The following TNR variants were observed in gnomAD, a reference collection of about 807,000 sequenced individuals.
TNR encodes the protein tenascin-R.
TNR carries 45 observed loss-of-function variants against 150.4 expected under a neutral mutation model. That is an observed-to-expected ratio of 0.30 (90% CI 0.24 to 0.38). The LOEUF is 0.38. TNR is among the 10% of genes least tolerant of loss of function. The pLI, the probability that TNR is intolerant of heterozygous loss-of-function variation, is 1.00. For missense variants in TNR, 1,544 were observed against 1,759.1 expected (o/e 0.88, Z 2.19); for synonymous variants, 687 against 678.4 (o/e 1.01, Z -0.20).
intron 1 of TNR, among the ~76,000 whole-genome samples, chr1:175,560,397 C>A (rs568557025): frequency 6.6e-6 from 1 of 152,218 alleles, no homozygotes; most frequent in Non-Finnish European, 1.5e-5. Flanking sequence ...CAGCTGCCTG[C>A]GCATGGCTGG....
chr1:175,721,255 G>C (rs548123287), intron 1 of TNR, among the ~76,000 whole-genome samples: 1 of 152,182 alleles, frequency 6.6e-6, no homozygotes, highest in African/African-American at 2.4e-5. Flanking sequence ...TGTTTCCATA[G>C]CTCTTTGGGG....
intron 1 of TNR, among the ~76,000 whole-genome samples, chr1:175,560,883 G>A (rs1558007031): frequency 6.6e-6 from 1 of 152,176 alleles, no homozygotes; most frequent in Non-Finnish European, 1.5e-5. Context: ...TGTTTATCCA[G>A]TTTGAGTTTC....
chr1:175,637,619 T>C lies in TNR; in HGVS notation c.-165+105607A>G, dbSNP rs377464225. ...CTGGGTGACAATGCATGAGAGGTAA[T>C]ACATCTACATTTTCATGATAGGTTC... is the stretch of plus-strand genomic sequence containing the variant. On this transcript the variant is annotated intron_variant, in intron 1 of 22. Transcript: ENST00000367674. Among the ~76,000 whole-genome samples, 55 of 152,242 alleles carry C rather than the reference T, an allele frequency of 3.6e-4. 1 individual carries two copies. In the South Asian group the frequency reaches 0.011, roughly 32 times the overall value.
chr1:175,392,369 A>G (rs1653216592), intron 6 of TNR, among the ~76,000 whole-genome samples: 1 of 152,170 alleles, frequency 6.6e-6, no homozygotes, highest in South Asian at 2.1e-4. Flanking sequence ...AATCAGTGTG[A>G]TGAATGCTCC....
At chr1:175,508,256 T>A (rs2102156401) in intron 2 of TNR, among the ~76,000 whole-genome samples, 1 of 152,264 alleles carries the variant, frequency 6.6e-6, no homozygotes, top group African/African-American at 2.4e-5. Context: ...TGCATATGTA[T>A]CCTAGAACTT....
At chr1:175,428,136 A>G (rs1020093228) in intron 2 of TNR, among the ~76,000 whole-genome samples, 1 of 152,238 alleles carries the variant, frequency 6.6e-6, no homozygotes, top group Non-Finnish European at 1.5e-5. Flanking sequence ...GCAAACAATT[A>G]TTGAATAGCT....
intron 15 of TNR, 61 bp downstream of exon 15, chr1:175,359,551 G>A: frequency 6.2e-7 from 1 of 1,611,136 alleles, no homozygotes; most frequent in Non-Finnish European, 8.5e-7. Context: ...CATCATACTG[G>A]TCTGCAGCTC....
At chr1:175,520,177 G>A (rs562063996) in intron 2 of TNR, among the ~76,000 whole-genome samples, 113 of 152,228 alleles carry the variant, frequency 7.4e-4, no homozygotes, top group African/African-American at 2.7e-3. Flanking sequence ...TTTTTCCCTA[G>A]CTTGAGAATG....
intron 1 of TNR, among the ~76,000 whole-genome samples, chr1:175,717,066 T>C (rs1226080465): frequency 6.6e-6 from 1 of 152,218 alleles, no homozygotes; most frequent in African/African-American, 2.4e-5. Flanking sequence ...CTATGCTCTG[T>C]GGTCTTGCCA....
chr1:175,693,684 G>T (rs1357326604), intron 1 of TNR, among the ~76,000 whole-genome samples: 1 of 152,206 alleles, frequency 6.6e-6, no homozygotes, highest in Admixed American at 6.5e-5. Context: ...GACTGAGAAT[G>T]CTTTGATTGA....
In TNR at chr1:175,455,250, A is replaced by T. The variant is rs576413455; in HGVS notation, c.-63-48473T>A. Reference sequence around the variant, plus strand: ...GTTACATCTGCTCTGCATTGTTCAAACTCCTCACCCATGGAATCTGTGGGC... The same window carrying T: ...GTTACATCTGCTCTGCATTGTTCAATCTCCTCACCCATGGAATCTGTGGGC... On this transcript the variant is annotated intron_variant, in intron 2 of 22. Transcript: ENST00000367674. Among the ~76,000 whole-genome samples, 17 of 152,156 alleles carry T rather than the reference A, an allele frequency of 1.1e-4. No homozygotes were observed. In the South Asian group the frequency reaches 2.3e-3, roughly 20 times the overall value.
intron 1 of TNR, among the ~76,000 whole-genome samples, chr1:175,672,852 C>T (rs749786329): frequency 2.6e-5 from 4 of 152,206 alleles, no homozygotes; most frequent in Admixed American, 6.5e-5. Flanking sequence ...TTCTGCAATG[C>T]TGCTTCCTGC....
chr1:175,641,387 A>T (rs903265735), intron 1 of TNR, among the ~76,000 whole-genome samples: 4 of 152,228 alleles, frequency 2.6e-5, no homozygotes, highest in Non-Finnish European at 5.9e-5. Flanking sequence ...TGTTCATAAG[A>T]TAAAAATAAA....
chr1:175,642,922 T>C (rs888991437), intron 1 of TNR, among the ~76,000 whole-genome samples: 3 of 152,042 alleles, frequency 2.0e-5, no homozygotes, highest in African/African-American at 7.2e-5. Flanking sequence ...CAGAGCAACA[T>C]CCTATCTCTA....
chr1:175,564,980 C>T (rs2102213823), intron 1 of TNR, among the ~76,000 whole-genome samples: 1 of 152,300 alleles, frequency 6.6e-6, no homozygotes, highest in Middle Eastern at 3.4e-3. Flanking sequence ...TAATAAATGG[C>T]TAAAAGGCAG....
intron 1 of TNR, among the ~76,000 whole-genome samples, chr1:175,666,444 G>A (rs1665535037): frequency 6.6e-6 from 1 of 152,182 alleles, no homozygotes; most frequent in Non-Finnish European, 1.5e-5. Context: ...GGCCCTGAGG[G>A]AGGCTGTCAG....
chr1:175,388,527 T>C (rs1653034363), intron 7 of TNR, among the ~76,000 whole-genome samples: 1 of 152,120 alleles, frequency 6.6e-6, no homozygotes, highest in African/African-American at 2.4e-5. Context: ...AAGGAAATAA[T>C]TAAACAATCG....
At chr1:175,354,548 T>C (rs1014899749) in intron 17 of TNR, 25 bp from the exon 18 acceptor site, 4 of 1,613,300 alleles carry the variant, frequency 2.5e-6, no homozygotes, top group Non-Finnish European at 2.5e-6. Context: ...AAAGGAAGGG[T>C]GGTGGAAGGG....
intron 1 of TNR, among the ~76,000 whole-genome samples, chr1:175,604,823 G>A (rs531212480): frequency 3.3e-5 from 5 of 152,110 alleles, no homozygotes; most frequent in Admixed American, 1.3e-4. Context: ...TTGCCGCAGC[G>A]CTAACCAGGG....
Sources: gnomAD v4.1 joint callset for allele counts (sites outside exome capture counted in the v4.1 genomes callset) on GRCh38, gnomAD v4.1.1 for gene constraint, MANE v1.5 for transcripts, NCBI Gene and HGNC (gene_info 2026-07-23, HGNC 2026-07-21) for gene names.